VAV2: variants seen among roughly 807,000 people sequenced by gnomAD.
VAV2 encodes the protein vav guanine nucleotide exchange factor 2.
VAV2 carries 67 observed loss-of-function variants against 132.5 expected under a neutral mutation model. That is an observed-to-expected ratio of 0.51 (90% CI 0.42 to 0.62). The LOEUF is 0.62. Ranked by LOEUF, VAV2 falls within the 20% of genes least tolerant of loss-of-function variation. The probability of loss-of-function intolerance (pLI) is 0.00; values close to 1 mark genes in which losing one functional copy is unlikely to be tolerated. For synonymous variants in VAV2, 492 were observed against 443.5 expected, an observed-to-expected ratio of 1.11 and a Z score of -1.37; for missense variants, 938 against 1,153.6, an observed-to-expected ratio of 0.81 and a Z score of 2.71.
chr9:133,915,288 G>A (rs1352298277), intron 2 of VAV2, among the ~76,000 whole-genome samples: 1 of 152,092 alleles, frequency 6.6e-6, no homozygotes, highest in Non-Finnish European at 1.5e-5. Flanking sequence ...TTGTGATCAC[G>A]TGGTTTCACG....
In VAV2 at chr9:133,780,436, T is replaced by C. The variant is rs372662398; in HGVS notation, c.1740+258A>G. Among the ~76,000 whole-genome samples the C allele has an allele frequency of 7.4e-4, 112 of 152,236 alleles. 1 individual carries two copies. The highest frequency in any genetic ancestry group is 2.5e-3 in the African/African-American group (105 of 41,556). The stretch of plus-strand genomic sequence containing the variant: ...AGGGCTGGTGCAGGTCCCAGAGCTG[T>C]ACCCATAGCCGCGAGCAGCCACTGG... On this transcript the variant is annotated intron_variant, in intron 20 of 29. Transcript: ENST00000371850.
At chr9:133,810,147 G>C (rs375208977) in intron 6 of VAV2, 44 bp downstream of exon 6, 1 of 1,612,136 alleles carries the variant, frequency 6.2e-7, no homozygotes, top group South Asian at 1.1e-5. Context: ...TCAAGAAGAC[G>C]GCGCAGGCAG....
intron 20 of VAV2, 69 bp from the exon 21 acceptor site, chr9:133,780,008 G>A (rs749782361): frequency 2.4e-5 from 39 of 1,596,962 alleles, no homozygotes; most frequent in Admixed American, 5.1e-5. Context: ...ATGCATCAAC[G>A]CACCCCGCCC....
intron 1 of VAV2, among the ~76,000 whole-genome samples, chr9:133,980,617 C>G (rs1442785841): frequency 6.6e-6 from 1 of 152,172 alleles, no homozygotes; most frequent in African/African-American, 2.4e-5. Flanking sequence ...TCAGACTCAT[C>G]ATCTGCTGCA....
intron 2 of VAV2, among the ~76,000 whole-genome samples, chr9:133,892,823 G>A (rs796756749): frequency 3.3e-5 from 5 of 152,306 alleles, no homozygotes; most frequent in African/African-American, 9.6e-5. Context: ...CGAGAAAAGC[G>A]GACCTGGCCC....
At chr9:133,780,393 G>A (rs1833965803) in intron 20 of VAV2, among the ~76,000 whole-genome samples, 1 of 152,200 alleles carries the variant, frequency 6.6e-6, no homozygotes, top group Non-Finnish European at 1.5e-5. Context: ...TGAGCCAACT[G>A]GGGGACTCGG....
rs748796932 is a variant in VAV2, at chr9:133,769,773, G to A, written c.2348-270C>T. On this transcript the variant is annotated intron_variant, in intron 27 of 29. Transcript: ENST00000371850. The surrounding 1 kb of genome is among the most constrained non-coding windows in gnomAD (Gnocchi z 8.1). Reference sequence around the variant, plus strand: ...TGGGACCACCTCCTCTCATGCCCTCGCCTGGCACATAGCAGGTGCTCACTA... The same window carrying A: ...TGGGACCACCTCCTCTCATGCCCTCACCTGGCACATAGCAGGTGCTCACTA... Among the ~76,000 whole-genome samples, 11 of 152,190 alleles carry A rather than the reference G, an allele frequency of 7.2e-5. No individual in the cohort carries two copies. Among genetic ancestry groups the A allele is most frequent in the African/African-American group, 2.2e-4 (9 of 41,446 alleles).
At chr9:133,955,275 C>G (rs1444465556) in intron 1 of VAV2, among the ~76,000 whole-genome samples, 1 of 151,968 alleles carries the variant, frequency 6.6e-6, no homozygotes, top group African/African-American at 2.4e-5. Flanking sequence ...TCATGCCACC[C>G]TCCACAAGCC....
intron 4 of VAV2, among the ~76,000 whole-genome samples, chr9:133,825,790 G>A (rs1465031089): frequency 6.6e-6 from 1 of 152,154 alleles, no homozygotes; most frequent in Non-Finnish European, 1.5e-5. Flanking sequence ...AGGATCCAAT[G>A]GGAGAAGCAC....
intron 2 of VAV2, among the ~76,000 whole-genome samples, chr9:133,931,367 T>C (rs1010796279): frequency 1.3e-5 from 2 of 149,720 alleles, no homozygotes; most frequent in African/African-American, 4.9e-5. Flanking sequence ...AGGACAGAGC[T>C]TTCCCTCTGA....
chr9:133,812,225 G>A lies in VAV2; in HGVS notation c.450-9C>T, dbSNP rs374097975. The A allele has an allele frequency of 3.4e-5, 55 of 1,613,220 alleles. No individual in the cohort carries two copies. Among genetic ancestry groups the A allele is most frequent in the Non-Finnish European group, 3.4e-6 (4 of 1,179,786 alleles). On this transcript the variant is annotated splice_polypyrimidine_tract_variant and intron_variant, in intron 4 of 29. Coordinates refer to ENST00000371850, the MANE Select transcript of VAV2 (RefSeq NM_001134398.2). Reference sequence around the variant, plus strand: ...CCCCCAGGTCATGCTCGCTGCACAGGAGGAGGCGGGTTAGAGGGGAGGGGA... The same window carrying A: ...CCCCCAGGTCATGCTCGCTGCACAGAAGGAGGCGGGTTAGAGGGGAGGGGA...
At chr9:133,801,496 C>A (rs555369908) in intron 9 of VAV2, among the ~76,000 whole-genome samples, 4 of 152,192 alleles carry the variant, frequency 2.6e-5, no homozygotes, top group Non-Finnish European at 4.4e-5. Context: ...TCCGTGGAGT[C>A]CAGAAGGACA....
intron 4 of VAV2, among the ~76,000 whole-genome samples, chr9:133,827,828 G>C (rs1291258193): frequency 0.13 from 27 of 206 alleles, 13 homozygotes; most frequent in South Asian, 1. Context: ...CCACTGAGTG[G>C]GGGCATCACC....
At chr9:133,882,354 G>C (rs907842962) in intron 2 of VAV2, among the ~76,000 whole-genome samples, 1 of 152,238 alleles carries the variant, frequency 6.6e-6, no homozygotes, top group East Asian at 1.9e-4. Context: ...ACATGCTGCC[G>C]TCACAGCCAG....
intron 2 of VAV2, among the ~76,000 whole-genome samples, chr9:133,882,398 A>T (rs528503129): frequency 6.6e-6 from 1 of 152,152 alleles, no homozygotes; most frequent in African/African-American, 2.4e-5. Context: ...AGCATCCCCT[A>T]CGGTTCATGT....
chr9:133,781,298 C>T (rs1013193862), intron 19 of VAV2, among the ~76,000 whole-genome samples: 6 of 152,232 alleles, frequency 3.9e-5, no homozygotes, highest in African/African-American at 1.4e-4. Context: ...CCCTTTAGGG[C>T]CCAGCCATCT....
chr9:133,771,826 C>T, intron 26 of VAV2, 133 bp downstream of exon 26: 1 of 865,782 alleles, frequency 1.2e-6, no homozygotes, highest in Non-Finnish European at 1.9e-6. Flanking sequence ...CCTTAAAAAC[C>T]AATTCCCTAA....
intron 26 of VAV2, among the ~76,000 whole-genome samples, 186 bp from the exon 27 acceptor site, chr9:133,770,687 C>T (rs1833591818): frequency 6.6e-6 from 1 of 152,220 alleles, no homozygotes; most frequent in Non-Finnish European, 1.5e-5. Flanking sequence ...CAGCAACTCC[C>T]CCAAATGTTT....
intron 1 of VAV2, among the ~76,000 whole-genome samples, chr9:133,943,565 C>T (rs1260189681): frequency 6.6e-6 from 1 of 152,200 alleles, no homozygotes; most frequent in Admixed American, 6.5e-5. Flanking sequence ...AGCTGAGTGG[C>T]CACAGCAAGG....
Sources: gnomAD v4.1 joint callset for allele counts (sites outside exome capture counted in the v4.1 genomes callset) on GRCh38, gnomAD v4.1.1 for gene constraint, Gnocchi (gnomAD v3.1) non-coding constraint, MANE v1.5 for transcripts, NCBI Gene and HGNC (gene_info 2026-07-23, HGNC 2026-07-21) for gene names.